The following NETO1 variants were observed in gnomAD, a reference collection of about 807,000 sequenced individuals.
NETO1 encodes neuropilin and tolloid-like protein 1.
In NETO1, 26 loss-of-function variants were observed where a neutral mutation model predicts 61.3. The ratio of observed to expected loss-of-function variants is 0.42; its 90% CI spans 0.31 to 0.59. NETO1 has a LOEUF of 0.59. Among genes scored for constraint, NETO1 ranks in the 20% least tolerant of loss-of-function variants. NETO1 has a pLI of 0.12. For synonymous variants in NETO1, 225 were observed against 225.8 expected, an observed-to-expected ratio of 1.00 and a Z score of 0.03; for missense variants, 531 against 662.8, an observed-to-expected ratio of 0.80 and a Z score of 2.18.
chr18:72,754,652 AC>A (rs1305752773), intron 8 of NETO1, among the ~76,000 whole-genome samples: 7 of 152,292 alleles, frequency 4.6e-5, no homozygotes, highest in Admixed American at 4.6e-4. Flanking sequence ...TGAATTTAGC[AC>A]CCAAGCTTAA....
chr18:72,773,342 C>T (rs150375155), intron 7 of NETO1, among the ~76,000 whole-genome samples: 2 of 152,168 alleles, frequency 1.3e-5, no homozygotes, highest in African/African-American at 4.8e-5. Context: ...GCTTTAAGAG[C>T]CTTTATATAC....
At chr18:72,742,748 C>T (rs1242750433), downstream of NETO1, 1 of 152,108 alleles carries the variant, frequency 6.6e-6, no homozygotes, top group African/African-American at 2.4e-5. Flanking sequence ...AAAAAAGTTA[C>T]TAAAACTCTT....
intron 4 of NETO1, chr18:72,835,252 AT>A: frequency 6.5e-7 from 1 of 1,543,870 alleles, no homozygotes; most frequent in Non-Finnish European, 8.8e-7. Context: ...GCATCCAGAG[AT>A]GAGATGATGG....
intron 4 of NETO1, chr18:72,835,295 C>A (rs754072098): frequency 3.1e-6 from 5 of 1,589,634 alleles, no homozygotes; most frequent in Non-Finnish European, 4.3e-6. Flanking sequence ...CTCTGTAGAT[C>A]CTGCTAAGGA....
chr18:72,845,539 A>C (rs987321534), intron 4 of NETO1, among the ~76,000 whole-genome samples: 4 of 152,240 alleles, frequency 2.6e-5, no homozygotes, highest in African/African-American at 9.6e-5. Flanking sequence ...AGACCACAAC[A>C]ATGATTTGGC....
At chr18:72,858,238 T>C (rs1482628254) in intron 4 of NETO1, among the ~76,000 whole-genome samples, 2 of 152,186 alleles carry the variant, frequency 1.3e-5, no homozygotes, top group Non-Finnish European at 2.9e-5. Flanking sequence ...GGAAAATTGA[T>C]ACAGATTGCA....
rs148118728 is a variant in NETO1 at position 72,830,857 on chromosome 18, C to T, written c.469+27969G>A. 6.6e-6 allele frequency among the ~76,000 whole-genome samples: 1 copy of T among 152,126 alleles called. No homozygotes were observed. The highest frequency in any genetic ancestry group is 2.4e-5 in the African/African-American group (1 of 41,432). ...TACACTTATGGGTTCCAGTTGTTCACTTTTTATCCCCTATTTTCTTCTCTG... is the reference window on the plus strand; with the variant it reads ...TACACTTATGGGTTCCAGTTGTTCATTTTTTATCCCCTATTTTCTTCTCTG... On this transcript the variant is annotated intron_variant, in intron 4 of 10. Transcript: ENST00000327305. The surrounding 1 kb of genome is among the most constrained non-coding windows in gnomAD (Gnocchi z 4.9).
In NETO1 at chr18:72,867,309, G is replaced by C; in HGVS notation, c.-18C>G. ...TGGATCATGTCTGTGCGTTACACCA[G>C]AGGCTCCGGGCTCCACTAATTCCAT... On this transcript the variant is annotated 5_prime_UTR_variant, in exon 1 of 11. Transcript: ENST00000327305. The C allele has an allele frequency of 6.4e-7, 1 of 1,565,552 alleles. No homozygotes were observed. The highest frequency in any genetic ancestry group is 2.5e-5 in the East Asian group (1 of 40,506).
At chr18:72,756,843 G>A (rs1258189610) in intron 7 of NETO1, among the ~76,000 whole-genome samples, 1 of 151,954 alleles carries the variant, frequency 6.6e-6, no homozygotes, top group Non-Finnish European at 1.5e-5. Context: ...CTTCAAGAAG[G>A]TATAAAATAT....
rs548906718 is a variant in NETO1 at position 72,853,051 on chromosome 18, T to C, written c.469+5775A>G. On this transcript the variant is annotated intron_variant, in intron 4 of 10. Coordinates refer to ENST00000327305, the MANE Select transcript of NETO1 (RefSeq NM_138966.5). ...AGTTTCACCATGTTGGCCAGGTTGG[T>C]CTCAAACTCCTGACCTAAGGTGATC... Among the ~76,000 whole-genome samples, 24 of 152,024 alleles carry C rather than the reference T, an allele frequency of 1.6e-4. No individual in the cohort carries two copies. In the South Asian group the frequency reaches 4.8e-3, roughly 30 times the overall value.
At chr18:72,852,958 G>A (rs1003074927) in intron 4 of NETO1, among the ~76,000 whole-genome samples, 5 of 149,676 alleles carry the variant, frequency 3.3e-5, no homozygotes, top group African/African-American at 9.9e-5. Flanking sequence ...TCAGTCTCCC[G>A]AGTAGCTGGG....
chr18:72,792,466 T>A (rs916995768), intron 6 of NETO1, among the ~76,000 whole-genome samples: 1 of 151,640 alleles, frequency 6.6e-6, no homozygotes, highest in African/African-American at 2.4e-5. Context: ...GAGGGGCTCT[T>A]CTTTTCCCCT....
chr18:72,805,342 T>C (rs1489414426), intron 4 of NETO1, among the ~76,000 whole-genome samples: 1 of 152,202 alleles, frequency 6.6e-6, no homozygotes, highest in Non-Finnish European at 1.5e-5. Flanking sequence ...TCAAATATTC[T>C]ACACAAATGA....
intron 7 of NETO1, among the ~76,000 whole-genome samples, chr18:72,773,273 AT>A (rs1194141469): frequency 1.3e-5 from 2 of 152,044 alleles, no homozygotes; most frequent in African/African-American, 4.8e-5. Flanking sequence ...AGCTCACCTG[AT>A]TAGGTCAGGT....
intron 7 of NETO1, among the ~76,000 whole-genome samples, chr18:72,762,468 T>G: frequency 6.6e-6 from 1 of 152,108 alleles, no homozygotes; most frequent in East Asian, 1.9e-4. Flanking sequence ...TTTGGAGAAA[T>G]TTTCCATATA....
rs543572672 is a variant in NETO1, at chr18:72,866,814, C to A, written c.28+450G>T. 10 of 1,001,754 alleles carry A rather than the reference C, an allele frequency of 1.0e-5. No homozygotes were observed. The African/African-American group carries it at 1.7e-4, about 17-fold the overall frequency. 62.1% of individuals were successfully genotyped at this position (1,001,754 alleles called of 1,614,324 possible). On this transcript the variant is annotated intron_variant, in intron 1 of 10. Transcript: ENST00000327305. ...AGCTGACCCTCGCCCTTCCCTCCAG[C>A]GCTGGCTTCAGGTGTGCCTTCTGCT... is the stretch of plus-strand genomic sequence containing the variant.
intron 4 of NETO1, among the ~76,000 whole-genome samples, chr18:72,822,030 T>C (rs984323882): frequency 1.3e-5 from 2 of 152,170 alleles, no homozygotes; most frequent in Non-Finnish European, 1.5e-5. Context: ...TGAGGTGTGA[T>C]GCTCTAGGGG....
At chr18:72,835,312 CT>C in intron 4 of NETO1, 2 of 1,595,986 alleles carry the variant, frequency 1.3e-6, no homozygotes, top group South Asian at 1.1e-5. Flanking sequence ...AGGAGTTTGC[CT>C]TTTATTCTGG....
chr18:72,804,762 A>C (rs138791224), intron 4 of NETO1, among the ~76,000 whole-genome samples: 117 of 152,306 alleles, frequency 7.7e-4, no homozygotes, highest in Middle Eastern at 3.4e-3. Context: ...TATAAAAATC[A>C]GCTTTAATAC....
Sources: allele counts gnomAD v4.1 joint callset (sites outside exome capture counted in the v4.1 genomes callset), GRCh38; gene constraint gnomAD v4.1.1; non-coding constraint Gnocchi (gnomAD v3.1); transcripts MANE v1.5; gene names NCBI Gene and HGNC (gene_info 2026-07-23, HGNC 2026-07-21).